NRG1: variants seen among roughly 807,000 people sequenced by gnomAD.
NRG1 encodes pro-neuregulin-1, membrane-bound isoform.
In NRG1, 18 loss-of-function variants were observed where a neutral mutation model predicts 63.8. The observed-to-expected ratio is 0.28, with a 90% CI of 0.19 to 0.42. NRG1 has a LOEUF of 0.42. Ranked by LOEUF, NRG1 falls within the 10% of genes least tolerant of loss-of-function variation. NRG1 has a pLI of 1.00. For missense variants in NRG1, 762 were observed against 814.7 expected (o/e 0.94, Z 0.79); for synonymous variants, 302 against 301.3 (o/e 1.00, Z -0.02).
intron 5 of NRG1, among the ~76,000 whole-genome samples, chr8:32,678,806 C>G (rs1042213750): frequency 1.3e-5 from 2 of 152,114 alleles, no homozygotes; most frequent in African/African-American, 4.8e-5. Context: ...CAGACTAGTA[C>G]AAAAGTAACC....
At chr8:32,584,329 T>C (rs1417212357) in intron 1 of NRG1, among the ~76,000 whole-genome samples, 6 of 152,206 alleles carry the variant, frequency 3.9e-5, no homozygotes. Context: ...CCTTCCCTGA[T>C]CTTCCTGTGG....
intron 1 of NRG1, among the ~76,000 whole-genome samples, chr8:32,162,445 A>G (rs928140642): frequency 6.6e-6 from 1 of 152,228 alleles, no homozygotes; most frequent in Non-Finnish European, 1.5e-5. Context: ...GCATTACAAC[A>G]AAACTCAGAC....
intron 1 of NRG1, among the ~76,000 whole-genome samples, chr8:32,588,499 A>T (rs1219825097): frequency 6.6e-6 from 1 of 152,168 alleles, no homozygotes; most frequent in Non-Finnish European, 1.5e-5. Context: ...TAAGAAGCCA[A>T]CTCTGGCTGT....
At chr8:31,844,703 C>A (rs1316611019) in intron 1 of NRG1, among the ~76,000 whole-genome samples, 1 of 152,022 alleles carries the variant, frequency 6.6e-6, no homozygotes. Flanking sequence ...TAAAACCTAC[C>A]CCCAAAAGGT....
intron 1 of NRG1, among the ~76,000 whole-genome samples, chr8:31,918,210 T>A (rs1833581676): frequency 6.6e-6 from 1 of 152,200 alleles, no homozygotes; most frequent in African/African-American, 2.4e-5. Context: ...TCCTGCCTAA[T>A]TGCCCTAGCC....
intron 1 of NRG1, among the ~76,000 whole-genome samples, chr8:31,774,350 T>C (rs1398254722): frequency 6.6e-6 from 1 of 152,170 alleles, no homozygotes; most frequent in Non-Finnish European, 1.5e-5. Flanking sequence ...CCCTTATATA[T>C]CTTAGATCAT....
chr8:31,733,788 C>A (rs1189612923), intron 1 of NRG1, among the ~76,000 whole-genome samples: 2 of 152,122 alleles, frequency 1.3e-5, no homozygotes, highest in Non-Finnish European at 2.9e-5. Context: ...AAGAGTGAAC[C>A]TCTCTGCCCC....
intron 1 of NRG1, among the ~76,000 whole-genome samples, chr8:32,240,941 T>C (rs766449624): frequency 6.6e-6 from 1 of 151,938 alleles, no homozygotes; most frequent in Non-Finnish European, 1.5e-5. Context: ...AGAAGGAGAA[T>C]GGGGGGTACC....
intron 1 of NRG1, among the ~76,000 whole-genome samples, chr8:32,418,582 G>A (rs770195811): frequency 2.2e-4 from 34 of 151,892 alleles, no homozygotes; most frequent in Admixed American, 1.0e-3. Flanking sequence ...GTCTATTGGC[G>A]TTCGTATCAT....
At chr8:32,090,479 C>T (rs1828962523) in intron 1 of NRG1, among the ~76,000 whole-genome samples, 2 of 152,194 alleles carry the variant, frequency 1.3e-5, no homozygotes, top group Admixed American at 1.3e-4. Flanking sequence ...TGCCATCAGA[C>T]CCAGCTAATT....
intron 1 of NRG1, among the ~76,000 whole-genome samples, chr8:31,883,290 T>C (rs1332530574): frequency 2.0e-5 from 3 of 152,118 alleles, no homozygotes; most frequent in Non-Finnish European, 4.4e-5. Context: ...CAAATTAAGG[T>C]ATGTACATTT....
At chr8:31,700,619 A>T (rs1292449820) in intron 1 of NRG1, among the ~76,000 whole-genome samples, 1 of 152,190 alleles carries the variant, frequency 6.6e-6, no homozygotes, top group Non-Finnish European at 1.5e-5. Flanking sequence ...AGTGAATTGC[A>T]TCAGGGTGCC....
At chr8:32,386,249 G>C (rs115689631) in intron 1 of NRG1, among the ~76,000 whole-genome samples, 1,680 of 152,294 alleles carry the variant, frequency 0.011, 33 homozygotes, top group African/African-American at 0.038. Context: ...CTGCATGCAT[G>C]TGCCACCACA....
exon 12 of NRG1, chr8:32,767,659 A>G (rs1831531240): frequency 6.6e-6 from 1 of 152,206 alleles, no homozygotes; most frequent in African/African-American, 2.4e-5. Context: ...CATCTAACAT[A>G]TAGAGTTGTT....
intron 1 of NRG1, among the ~76,000 whole-genome samples, chr8:32,577,226 T>TG (rs1181929156): frequency 6.6e-6 from 1 of 152,218 alleles, no homozygotes; most frequent in Admixed American, 6.6e-5. Flanking sequence ...CCACCACTGA[T>TG]GGGCACCTAG....
intron 1 of NRG1, among the ~76,000 whole-genome samples, chr8:32,080,783 GT>G (rs1364053569): frequency 6.6e-6 from 1 of 151,372 alleles, no homozygotes; most frequent in Non-Finnish European, 1.5e-5. Context: ...GTGTGTGTGT[GT>G]GTGTGTGTGT....
chr8:32,160,184 G>T lies in NRG1; in HGVS notation c.38-435644G>T, dbSNP rs577469717. Among the ~76,000 whole-genome samples, 3 of 152,296 alleles carry T rather than the reference G, an allele frequency of 2.0e-5. No homozygotes were observed. In the South Asian group the frequency reaches 6.2e-4, roughly 32 times the overall value. ...GGCCTCTGTGCCCCACTGTAAGTGT[G>T]CTGGCTTCATTGAAAGGGATGAGAA... On this transcript the variant is annotated intron_variant, in intron 1 of 10. Transcript: ENST00000519301.
intron 5 of NRG1, among the ~76,000 whole-genome samples, chr8:32,667,877 A>T (rs1440759473): frequency 6.6e-6 from 1 of 152,136 alleles, no homozygotes; most frequent in Non-Finnish European, 1.5e-5. Flanking sequence ...GATAACGATG[A>T]TGGCAAAGGG....
At chr8:32,426,293 C>CA (rs893095491) in intron 1 of NRG1, among the ~76,000 whole-genome samples, 1 of 152,106 alleles carries the variant, frequency 6.6e-6, no homozygotes, top group Non-Finnish European at 1.5e-5. Context: ...ACTGAAACAT[C>CA]AATGTATGAA....
Sources: gnomAD v4.1 joint callset for allele counts (sites outside exome capture counted in the v4.1 genomes callset) on GRCh38, gnomAD v4.1.1 for gene constraint, MANE v1.5 for transcripts, NCBI Gene and HGNC (gene_info 2026-07-23, HGNC 2026-07-21) for gene names.